Variants in KLHL7 observed in about 807,000 individuals in gnomAD.
KLHL7 encodes kelch like family member 7.
In KLHL7, 44 loss-of-function variants were observed where a neutral mutation model predicts 67.4. The observed-to-expected ratio is 0.65, with a 90% confidence interval of 0.51 to 0.84. The LOEUF is 0.84. KLHL7 is among the 40% of genes least tolerant of loss of function. The probability of loss-of-function intolerance (pLI) is 0.00; values close to 1 mark genes in which losing one functional copy is unlikely to be tolerated. For synonymous variants in KLHL7, 252 were observed against 243.3 expected (o/e 1.04, Z -0.33); for missense variants, 362 against 718.1 (o/e 0.50, Z 5.67).
chr7:23,126,665 A>G (rs962776609), intron 4 of KLHL7, among the ~76,000 whole-genome samples: 1 of 152,168 alleles, frequency 6.6e-6, no homozygotes, highest in African/African-American at 2.4e-5. Flanking sequence ...CGGACACTTT[A>G]GTACTCCTTC....
chr7:23,175,549 T>C lies in KLHL7; in HGVS notation c.*1251T>C. 1 of 322,696 alleles carries C rather than the reference T, an allele frequency of 3.1e-6. No homozygotes were observed. 20.0% of individuals were successfully genotyped at this position (322,696 alleles called of 1,614,324 possible). On this transcript the variant is annotated 3_prime_UTR_variant, in exon 11 of 11. Transcript: ENST00000339077. ...AATAGTCTTAAACCCTAAAAATGTT[T>C]AAATCAAAAAGGAATTAGGAAAAAC...
chr7:23,127,405 G>A (rs1783614640), intron 4 of KLHL7, among the ~76,000 whole-genome samples: 2 of 152,168 alleles, frequency 1.3e-5, no homozygotes, highest in Non-Finnish European at 2.9e-5. Context: ...TCCTGGCTAA[G>A]CTTCTGGCAA....
chr7:23,111,202 T>A (rs1782855162), intron 1 of KLHL7, among the ~76,000 whole-genome samples: 1 of 152,148 alleles, frequency 6.6e-6, no homozygotes, highest in Non-Finnish European at 1.5e-5. Context: ...CATTGAGAGC[T>A]GAAATAAGAG....
intron 6 of KLHL7, among the ~76,000 whole-genome samples, chr7:23,150,462 G>C (rs954096028): frequency 6.6e-6 from 1 of 152,096 alleles, no homozygotes; most frequent in Non-Finnish European, 1.5e-5. Context: ...TCTGCGTACT[G>C]TTCTACATCT....
chr7:23,118,009 GA>G (rs766638025), intron 1 of KLHL7: 5 of 1,610,164 alleles, frequency 3.1e-6, no homozygotes, highest in Non-Finnish European at 4.2e-6. Context: ...ACAAAGAATA[GA>G]ACGTGGGGCA....
intron 9 of KLHL7, among the ~76,000 whole-genome samples, chr7:23,169,340 AT>A (rs1420490847): frequency 6.6e-6 from 1 of 151,878 alleles, no homozygotes; most frequent in Non-Finnish European, 1.5e-5. Flanking sequence ...ATTCCCACAT[AT>A]TTTTAAAAGA....
chr7:23,121,927 C>A (rs535170810), intron 1 of KLHL7, among the ~76,000 whole-genome samples: 7 of 152,202 alleles, frequency 4.6e-5, no homozygotes, highest in African/African-American at 1.2e-4. Context: ...TGTGATCCGC[C>A]CGCCTCAGCC....
intron 1 of KLHL7, among the ~76,000 whole-genome samples, chr7:23,115,551 G>GTT (rs376870991): frequency 6.8e-6 from 1 of 146,758 alleles, no homozygotes; most frequent in Non-Finnish European, 1.5e-5. Context: ...TTTTTTGTTT[G>GTT]TTTTTTTTTT....
intron 9 of KLHL7, among the ~76,000 whole-genome samples, chr7:23,172,556 T>C (rs1785195428): frequency 6.6e-6 from 1 of 152,198 alleles, no homozygotes. Context: ...ATAGAACTAG[T>C]TAATATTTCC....
At chr7:23,138,170 C>T (rs1005906423) in intron 4 of KLHL7, among the ~76,000 whole-genome samples, 6 of 149,538 alleles carry the variant, frequency 4.0e-5, no homozygotes, top group East Asian at 4.1e-4. Flanking sequence ...ACTGAGACTC[C>T]GTCTCAAGAA....
intron 4 of KLHL7, among the ~76,000 whole-genome samples, chr7:23,133,538 T>A (rs1356466980): frequency 6.6e-6 from 1 of 152,060 alleles, no homozygotes; most frequent in Non-Finnish European, 1.5e-5. Context: ...TTCAAGCGAT[T>A]CTCCCACCTC....
intron 4 of KLHL7, chr7:23,126,090 A>G (rs1783563829): frequency 1.8e-6 from 1 of 571,218 alleles, no homozygotes; most frequent in Non-Finnish European, 3.2e-6. Flanking sequence ...GCCATTATTA[A>G]GTAAAATAAG....
chr7:23,163,372 A>G (rs1369068499), intron 7 of KLHL7, among the ~76,000 whole-genome samples: 1 of 152,112 alleles, frequency 6.6e-6, no homozygotes, highest in Non-Finnish European at 1.5e-5. Flanking sequence ...GGGTTTCACC[A>G]TGTTGGCCAG....
At chr7:23,148,395 T>TAA (rs74274528) in intron 6 of KLHL7, among the ~76,000 whole-genome samples, 122 of 99,054 alleles carry the variant, frequency 1.2e-3, no homozygotes, top group African/African-American at 6.2e-3. Context: ...ACAAGAAAAT[T>TAA]AAAAAAAAAA....
chr7:23,151,966 A>G, intron 6 of KLHL7, 101 bp from the exon 7 acceptor site: 1 of 1,090,860 alleles, frequency 9.2e-7, no homozygotes. Context: ...TCATAAAAGT[A>G]AGTTACTGAA....
chr7:23,169,003 A>G (rs1583735206), intron 9 of KLHL7, among the ~76,000 whole-genome samples: 1 of 152,266 alleles, frequency 6.6e-6, no homozygotes, highest in South Asian at 2.1e-4. Flanking sequence ...GCTCATGCCT[A>G]TAATTCCAGC....
At chr7:23,113,055 G>A (rs1436236366) in intron 1 of KLHL7, among the ~76,000 whole-genome samples, 1 of 151,930 alleles carries the variant, frequency 6.6e-6, no homozygotes, top group Non-Finnish European at 1.5e-5. Context: ...GAAGTGGGAA[G>A]AAAGAGGGGA....
intron 1 of KLHL7, chr7:23,118,095 C>T (rs746626382): frequency 2.7e-6 from 3 of 1,092,734 alleles, no homozygotes; most frequent in Non-Finnish European, 4.0e-6. Context: ...TTAGCACTTA[C>T]ATGGACCCAA....
chr7:23,123,484 G>GAAA (rs1161710933), intron 1 of KLHL7, among the ~76,000 whole-genome samples: 2 of 96,546 alleles, frequency 2.1e-5, no homozygotes, highest in Admixed American at 1.1e-4. Context: ...ATCTGTGTCA[G>GAAA]AAAAAAAAAA....
Sources: allele counts gnomAD v4.1 joint callset (sites outside exome capture counted in the v4.1 genomes callset), GRCh38; gene constraint gnomAD v4.1.1; transcripts MANE v1.5; gene names NCBI Gene and HGNC (gene_info 2026-07-23, HGNC 2026-07-21).